Variants in EXOSC7 observed in about 807,000 individuals in gnomAD.
EXOSC7 encodes the protein exosome component 7, also known as exosome complex component RRP42.
A neutral mutation model predicts 34.3 loss-of-function variants in EXOSC7; 25 were observed. That is an observed-to-expected ratio of 0.73 (90% confidence interval 0.53 to 1.02). The LOEUF is 1.02. EXOSC7 is among the 50% of genes least tolerant of loss of function. The probability of loss-of-function intolerance (pLI) is 0.00; values close to 1 mark genes in which losing one functional copy is unlikely to be tolerated. For missense variants in EXOSC7, 370 were observed against 368.5 expected (o/e 1.00, Z -0.03); for synonymous variants, 130 against 143.0 (o/e 0.91, Z 0.65).
intron 5 of EXOSC7, 140 bp downstream of exon 5, chr3:45,001,748 C>T (rs567794376): frequency 4.4e-5 from 28 of 642,146 alleles, no homozygotes; most frequent in Non-Finnish European, 6.5e-5. Context: ...TGACATCTAA[C>T]GTTAAACTCC....
chr3:45,002,725 C>T (rs1254070037), intron 5 of EXOSC7, among the ~76,000 whole-genome samples: 1 of 152,120 alleles, frequency 6.6e-6, no homozygotes, highest in Admixed American at 6.5e-5. Context: ...TTTAGACTCC[C>T]TGTGTAATTT....
rs1233980770 is a variant in EXOSC7 at position 44,979,990 on chromosome 3, G to A, written c.57+3656G>A. Among the ~76,000 whole-genome samples the A allele has an allele frequency of 2.0e-5, 3 of 151,918 alleles. No individual in the cohort carries two copies. The Admixed American group carries it at 2.0e-4, about 10-fold the overall frequency. ...AATAAGAGATGTTGAGGAGCCCCAA[G>A]ACAACTACTGGGAGTGGCTACTGCC... On this transcript the variant is annotated intron_variant, in intron 1 of 7. Transcript: ENST00000265564.
At chr3:45,012,073 A>G (rs1340005356), downstream of EXOSC7, 1 of 152,248 alleles carries the variant, frequency 6.6e-6, no homozygotes, top group South Asian at 2.1e-4. Flanking sequence ...TGAAAGGAAG[A>G]CTATGCTTGC....
intron 1 of EXOSC7, among the ~76,000 whole-genome samples, chr3:44,978,825 G>A (rs1010971645): frequency 6.6e-6 from 1 of 152,168 alleles, no homozygotes; most frequent in Non-Finnish European, 1.5e-5. Context: ...TCAGTCATTC[G>A]CTCATCATGG....
intron 6 of EXOSC7, among the ~76,000 whole-genome samples, chr3:45,006,979 C>T (rs1009509210): frequency 1.3e-5 from 2 of 152,128 alleles, no homozygotes; most frequent in East Asian, 3.9e-4. Flanking sequence ...TTTTCCTCAG[C>T]TTCCCAAAGT....
intron 1 of EXOSC7, among the ~76,000 whole-genome samples, chr3:44,976,659 G>GAGCCTC (rs1470449278): frequency 6.6e-6 from 1 of 152,208 alleles, no homozygotes; most frequent in Non-Finnish European, 1.5e-5. Context: ...GATCTTGTCC[G>GAGCCTC]AGCCTCAGTT....
intron 1 of EXOSC7, among the ~76,000 whole-genome samples, chr3:44,978,029 G>A (rs993201677): frequency 1.3e-5 from 2 of 152,170 alleles, no homozygotes; most frequent in Non-Finnish European, 2.9e-5. Context: ...GAAACAGCAG[G>A]GATGCCAAAA....
chr3:45,001,635 G>A lies in EXOSC7; in HGVS notation c.491+27G>A, dbSNP rs527690796. Reference sequence around the variant, plus strand: ...TAAGTCTTCCTAGAAACAGCTCTGCGAACCTGTGGAGAACCAGAGCAGACA... The same window carrying A: ...TAAGTCTTCCTAGAAACAGCTCTGCAAACCTGTGGAGAACCAGAGCAGACA... On this transcript the variant is annotated intron_variant, in intron 5 of 7. Transcript: ENST00000265564. 8.1e-5 allele frequency: 123 copies of A among 1,524,918 alleles called. 2 individuals are homozygous for A. The South Asian group carries it at 1.2e-3, about 15-fold the overall frequency. 94.5% of individuals were successfully genotyped at this position (1,524,918 alleles called of 1,614,324 possible). A position where few individuals can be genotyped will look rare whatever the true frequency, so the allele number is the denominator to read the frequency against.
chr3:44,976,835 G>C (rs1340739252), intron 1 of EXOSC7, among the ~76,000 whole-genome samples: 2 of 152,226 alleles, frequency 1.3e-5, no homozygotes, highest in African/African-American at 4.8e-5. Context: ...TGTAATCCCA[G>C]CACTTTGGGA....
chr3:45,008,024 A>C (rs1008506667), intron 7 of EXOSC7, among the ~76,000 whole-genome samples: 16 of 152,140 alleles, frequency 1.1e-4, no homozygotes, highest in African/African-American at 3.9e-4. Flanking sequence ...ACAGCTCTAG[A>C]AGTGTTTAAA....
chr3:44,980,209 G>A (rs2125960833), intron 1 of EXOSC7, among the ~76,000 whole-genome samples: 1 of 152,236 alleles, frequency 6.6e-6, no homozygotes, highest in East Asian at 1.9e-4. Flanking sequence ...CCAACCAGAA[G>A]CCAGCAAAGG....
intron 1 of EXOSC7, among the ~76,000 whole-genome samples, chr3:44,979,058 T>A (rs764858355): frequency 4.6e-5 from 7 of 152,192 alleles, no homozygotes; most frequent in Non-Finnish European, 8.8e-5. Context: ...GCTCTGTGTA[T>A]CACAGAGCCA....
chr3:45,006,416 T>G (rs1356314048), intron 6 of EXOSC7, among the ~76,000 whole-genome samples: 24 of 131,752 alleles, frequency 1.8e-4, no homozygotes, highest in African/African-American at 5.4e-4. Context: ...TTTTTTTTTT[T>G]TTTTTTTTTT....
chr3:45,001,949 G>A (rs1672824724), intron 5 of EXOSC7: 1 of 249,366 alleles, frequency 4.0e-6, no homozygotes, highest in Non-Finnish European at 7.7e-6. Context: ...ACTCTATGGG[G>A]GCAAGGATTT....
chr3:45,010,509 A>G (rs1026992545), intron 7 of EXOSC7, among the ~76,000 whole-genome samples: 14 of 152,170 alleles, frequency 9.2e-5, no homozygotes, highest in Admixed American at 8.5e-4. Flanking sequence ...TTGGCCTCCA[A>G]AAGTGCTGGG....
At chr3:44,981,824 C>T (rs1429115692) in intron 1 of EXOSC7, among the ~76,000 whole-genome samples, 1 of 152,074 alleles carries the variant, frequency 6.6e-6, no homozygotes, top group Non-Finnish European at 1.5e-5. Context: ...CAGAGGATCG[C>T]TTGAGCCCAG....
chr3:44,988,311 A>G (rs1706475559), intron 1 of EXOSC7, among the ~76,000 whole-genome samples: 1 of 152,246 alleles, frequency 6.6e-6, no homozygotes, highest in Non-Finnish European at 1.5e-5. Context: ...AACTAATGAT[A>G]GTAGTGGATT....
chr3:44,989,049 A>G (rs1231562312), intron 1 of EXOSC7, 91 bp from the exon 2 acceptor site: 3 of 800,070 alleles, frequency 3.7e-6, no homozygotes, highest in East Asian at 2.5e-5. Context: ...GATATTCTGC[A>G]TATATCTTCT....
intron 1 of EXOSC7, among the ~76,000 whole-genome samples, chr3:44,981,394 G>T (rs904360618): frequency 2.6e-5 from 4 of 152,154 alleles, no homozygotes; most frequent in South Asian, 4.1e-4. Flanking sequence ...GTAGAATGGG[G>T]TTATGAGGAA....
Sources: allele counts gnomAD v4.1 joint callset (sites outside exome capture counted in the v4.1 genomes callset), GRCh38; gene constraint gnomAD v4.1.1; transcripts MANE v1.5; gene names NCBI Gene and HGNC (gene_info 2026-07-23, HGNC 2026-07-21).